The following LMX1A variants were observed in gnomAD, a reference collection of about 807,000 sequenced individuals.
LMX1A encodes LIM homeobox transcription factor 1-alpha.
In LMX1A, 15 loss-of-function variants were observed where a neutral mutation model predicts 49.1. The ratio of observed to expected loss-of-function variants is 0.31; its 90% CI spans 0.20 to 0.47. LMX1A has a LOEUF of 0.47. Among genes scored for constraint, LMX1A ranks in the 20% least tolerant of loss-of-function variants. LMX1A has a pLI of 1.00. For missense variants in LMX1A, 372 were observed against 475.8 expected (o/e 0.78, Z 2.03); for synonymous variants, 167 against 185.7 (o/e 0.90, Z 0.82).
At chr1:165,217,948 C>T (rs1043990440) in intron 4 of LMX1A, among the ~76,000 whole-genome samples, 1 of 152,208 alleles carries the variant, frequency 6.6e-6, no homozygotes, top group African/African-American at 2.4e-5. Flanking sequence ...AGTCTACAGA[C>T]GTTTCATCTA....
chr1:165,260,282 A>G (rs1294483569), intron 3 of LMX1A, among the ~76,000 whole-genome samples: 1 of 152,066 alleles, frequency 6.6e-6, no homozygotes, highest in East Asian at 1.9e-4. Context: ...GCTTGGCTGG[A>G]TGGCACGTGG....
At chr1:165,267,621 C>T (rs1247210125) in intron 3 of LMX1A, among the ~76,000 whole-genome samples, 1 of 152,014 alleles carries the variant, frequency 6.6e-6, no homozygotes, top group East Asian at 1.9e-4. Flanking sequence ...AGGAAGAAAG[C>T]CAGTGAGAAG....
At chr1:165,253,059 T>C (rs186698296) in intron 3 of LMX1A, among the ~76,000 whole-genome samples, 4 of 152,358 alleles carry the variant, frequency 2.6e-5, no homozygotes, top group Admixed American at 2.6e-4. Context: ...ACAGCATTCA[T>C]GTACATAAAC....
intron 3 of LMX1A, among the ~76,000 whole-genome samples, chr1:165,325,053 T>C (rs912375982): frequency 6.6e-6 from 1 of 152,176 alleles, no homozygotes; most frequent in African/African-American, 2.4e-5. Context: ...AGCCCCCAGA[T>C]GACCACCACA....
intron 3 of LMX1A, among the ~76,000 whole-genome samples, chr1:165,300,968 C>T (rs1654758029): frequency 6.6e-6 from 1 of 152,172 alleles, no homozygotes; most frequent in South Asian, 2.1e-4. Flanking sequence ...AGGAGTTTGA[C>T]AGCAGTAGGC....
intron 3 of LMX1A, among the ~76,000 whole-genome samples, chr1:165,342,217 G>A (rs1283693356): frequency 1.3e-5 from 2 of 152,230 alleles, no homozygotes; most frequent in Non-Finnish European, 2.9e-5. Context: ...CTGGAAATCA[G>A]CCTCCACTGG....
chr1:165,241,051 G>A (rs1379064297), intron 4 of LMX1A, among the ~76,000 whole-genome samples: 1 of 152,178 alleles, frequency 6.6e-6, no homozygotes, highest in Non-Finnish European at 1.5e-5. Context: ...CTTCAAGACT[G>A]TTTTTCCCCC....
chr1:165,333,435 A>C (rs572783970), intron 3 of LMX1A, among the ~76,000 whole-genome samples: 2 of 152,308 alleles, frequency 1.3e-5, no homozygotes, highest in Non-Finnish European at 2.9e-5. Flanking sequence ...CTGAGATTAC[A>C]GGCATGAGCC....
Position 165,202,077 on chromosome 1 carries a change from A to C in LMX1A, c.*1803T>G, listed in dbSNP as rs1341185976. The C allele has an allele frequency of 1.3e-5, 2 of 152,498 alleles. No homozygotes were observed. The highest frequency in any genetic ancestry group is 4.8e-5 in the African/African-American group (2 of 41,394). The allele number at this position is 152,498 out of a possible 1,614,324, so 9.4% of individuals were successfully genotyped here. ...TTGCATAAATTATAAACAAGAGCAC[A>C]AAAATCACACAACATAGACTCTACC... On this transcript the variant is annotated 3_prime_UTR_variant, in exon 9 of 9. Coordinates refer to ENST00000342310, the MANE Select transcript of LMX1A (RefSeq NM_177398.4).
intron 4 of LMX1A, among the ~76,000 whole-genome samples, chr1:165,245,658 A>T (rs1402983969): frequency 1.3e-5 from 2 of 151,980 alleles, no homozygotes; most frequent in Non-Finnish European, 2.9e-5. Flanking sequence ...CTGAAACTAT[A>T]ATTACACATT....
chr1:165,271,745 G>A (rs1653800825), intron 3 of LMX1A, among the ~76,000 whole-genome samples: 1 of 152,174 alleles, frequency 6.6e-6, no homozygotes, highest in Non-Finnish European at 1.5e-5. Flanking sequence ...TACCTGGCAG[G>A]AGGAGGATGT....
In LMX1A at chr1:165,234,484, T is replaced by C. The variant is rs1392417833; in HGVS notation, c.496+14924A>G. ...TGTATATTTTATTTTATTATAGGAG[T>C]TTCTTATCCCCTGAGGAACCTGGGG... is the stretch of plus-strand genomic sequence containing the variant. On this transcript the variant is annotated intron_variant, in intron 4 of 8. Coordinates refer to ENST00000342310, the MANE Select transcript of LMX1A (RefSeq NM_177398.4). Among the ~76,000 whole-genome samples, 3 of 152,216 alleles carry C rather than the reference T, an allele frequency of 2.0e-5. No individual in the cohort carries two copies. The East Asian group carries it at 5.8e-4, about 29-fold the overall frequency.
intron 6 of LMX1A, among the ~76,000 whole-genome samples, chr1:165,208,859 G>C (rs1477376962): frequency 1.3e-5 from 2 of 152,168 alleles, no homozygotes; most frequent in Admixed American, 6.5e-5. Flanking sequence ...ATGTTAGCCA[G>C]GATGGTCTCG....
Position 165,276,586 on chromosome 1 carries a change from C to A in LMX1A, c.264-26946G>T, listed in dbSNP as rs561505606. ...TGCTCAAAGATTGAGATTATAATCA[C>A]CCTGTCCTGACTGGGCCACTAAAGT... On this transcript the variant is annotated intron_variant, in intron 3 of 8. Coordinates refer to ENST00000342310, the MANE Select transcript of LMX1A (RefSeq NM_177398.4). Among the ~76,000 whole-genome samples the A allele has an allele frequency of 3.9e-5, 6 of 152,174 alleles. 1 individual carries two copies. The East Asian group carries it at 1.2e-3, about 29-fold the overall frequency.
chr1:165,202,639 G>T lies in LMX1A; in HGVS notation c.*1241C>A, dbSNP rs889837245. 6.6e-6 allele frequency: 1 copy of T among 151,576 alleles called. No homozygotes were observed. Among genetic ancestry groups the T allele is most frequent in the Non-Finnish European group, 1.5e-5 (1 of 67,960 alleles). The allele number at this position is 151,576 out of a possible 1,614,324, so 9.4% of individuals were successfully genotyped here. A position where few individuals can be genotyped will look rare whatever the true frequency, so the allele number is the denominator to read the frequency against. On this transcript the variant is annotated 3_prime_UTR_variant, in exon 9 of 9. Transcript: ENST00000342310. ...CTGGCAAGCCATAGAAAGCAGGCCC[G>T]CAAGCAGGAGTTTGCCCAACCCTGC...
rs1006433835 is a variant in LMX1A, at chr1:165,201,874, T to TA, written c.*2005dup. ...CCCTGAATAAACAACAGCTCATTTGTAAGAGATTTTAATTTCATCTTGGTA... is the reference window on the plus strand; with the variant it reads ...CCCTGAATAAACAACAGCTCATTTGTAAAGAGATTTTAATTTCATCTTGGTA... On this transcript the variant is annotated 3_prime_UTR_variant, in exon 9 of 9. Transcript: ENST00000342310. 1 of 152,314 alleles carries TA rather than the reference T, an allele frequency of 6.6e-6. No homozygotes were observed. The highest frequency in any genetic ancestry group is 2.4e-5 in the African/African-American group (1 of 41,438). The allele number at this position is 152,314 out of a possible 1,614,324, so 9.4% of individuals were successfully genotyped here.
At chr1:165,286,574 G>C (rs181165319) in intron 3 of LMX1A, among the ~76,000 whole-genome samples, 2 of 152,268 alleles carry the variant, frequency 1.3e-5, no homozygotes, top group East Asian at 1.9e-4. Flanking sequence ...TAAAATGAGA[G>C]TACCCAGAGT....
intron 3 of LMX1A, among the ~76,000 whole-genome samples, chr1:165,298,264 C>A (rs897301313): frequency 6.6e-6 from 1 of 152,192 alleles, no homozygotes; most frequent in Non-Finnish European, 1.5e-5. Flanking sequence ...TGATTTACTG[C>A]CGGTGAGGGC....
chr1:165,255,896 G>GGGAGGCAGGAGAATCGCTTGAACA (rs1653219060), intron 3 of LMX1A, among the ~76,000 whole-genome samples: 1 of 151,602 alleles, frequency 6.6e-6, no homozygotes, highest in African/African-American at 2.4e-5. Context: ...TCGCTTGAAC[G>GGGAGGCAGGAGAATCGCTTGAACA]CGGGAGGCAG....
Sources: gnomAD v4.1 joint callset for allele counts (sites outside exome capture counted in the v4.1 genomes callset) on GRCh38, gnomAD v4.1.1 for gene constraint, MANE v1.5 for transcripts, NCBI Gene and HGNC (gene_info 2026-07-23, HGNC 2026-07-21) for gene names.